Variants in FGD4 observed in about 807,000 individuals in gnomAD.
FGD4 encodes FYVE, RhoGEF and PH domain-containing protein 4.
A neutral mutation model predicts 102.0 loss-of-function variants in FGD4; 42 were observed. The observed-to-expected ratio is 0.41, with a 90% confidence interval of 0.32 to 0.53. The LOEUF is 0.53. FGD4 is among the 20% of genes least tolerant of loss of function. The pLI, the probability that FGD4 is intolerant of heterozygous loss-of-function variation, is 0.21. For missense variants in FGD4, 902 were observed against 1,078.2 expected (o/e 0.84, Z 2.29); for synonymous variants, 380 against 375.7 (o/e 1.01, Z -0.13).
intron 1 of FGD4, among the ~76,000 whole-genome samples, chr12:32,405,224 T>C (rs2632330): frequency 0.55 from 80,474 of 146,796 alleles, 22,720 homozygotes; most frequent in African/African-American, 0.72. Context: ...TGAGCCACCG[T>C]GCCTGGCTCC....
chr12:32,532,812 T>C (rs1941924959), intron 1 of FGD4, among the ~76,000 whole-genome samples: 1 of 152,204 alleles, frequency 6.6e-6, no homozygotes, highest in Admixed American at 6.5e-5. Flanking sequence ...TTAAAAACAA[T>C]TCAGGTTTCT....
At chr12:32,525,431 C>A (rs1003071992) in intron 1 of FGD4, among the ~76,000 whole-genome samples, 11 of 152,252 alleles carry the variant, frequency 7.2e-5, no homozygotes, top group African/African-American at 2.7e-4. Flanking sequence ...GTACTTTATT[C>A]ATTCCACATT....
At chr12:32,421,558 T>C (rs1941626406) in intron 1 of FGD4, among the ~76,000 whole-genome samples, 1 of 152,204 alleles carries the variant, frequency 6.6e-6, no homozygotes, top group African/African-American at 2.4e-5. Flanking sequence ...ATCTTGTAGC[T>C]TTCTCTATCA....
At chr12:32,594,322 C>T (rs557242115) in intron 4 of FGD4, among the ~76,000 whole-genome samples, 7 of 152,198 alleles carry the variant, frequency 4.6e-5, no homozygotes, top group African/African-American at 9.6e-5. Context: ...ACTGCACATG[C>T]GAGGGATCTA....
chr12:32,623,353 A>T (rs1949958047), intron 11 of FGD4, among the ~76,000 whole-genome samples: 1 of 151,836 alleles, frequency 6.6e-6, no homozygotes. Context: ...TTTTTAATTT[A>T]AAAAAAATTT....
intron 1 of FGD4, 41 bp downstream of exon 1, chr12:32,400,000 G>GT: frequency 7.0e-7 from 1 of 1,423,702 alleles, no homozygotes; most frequent in South Asian, 1.5e-5. Context: ...GCCCCGGCGC[G>GT]TAGGTGCGGG....
At chr12:32,408,635 C>CT (rs1293536845) in intron 1 of FGD4, among the ~76,000 whole-genome samples, 4 of 151,642 alleles carry the variant, frequency 2.6e-5, no homozygotes, top group Non-Finnish European at 5.9e-5. Flanking sequence ...GTGGATCTGC[C>CT]TTGCTGCCCT....
At chr12:32,485,940 G>A in intron 1 of FGD4, 1 of 1,274,842 alleles carries the variant, frequency 7.8e-7, no homozygotes, top group Non-Finnish European at 9.9e-7. Flanking sequence ...GCCAGAAGAA[G>A]ACTTATGAAA....
chr12:32,453,874 CTATCTT>C (rs1330690153), intron 1 of FGD4, among the ~76,000 whole-genome samples: 1 of 152,088 alleles, frequency 6.6e-6, no homozygotes, highest in African/African-American at 2.4e-5. Context: ...TGGATCAAAA[CTATCTT>C]TATATTAGGA....
intron 2 of FGD4, 66 bp downstream of exon 2, chr12:32,564,355 AATG>A (rs1945008373): frequency 1.3e-6 from 2 of 1,490,706 alleles, no homozygotes; most frequent in Non-Finnish European, 1.8e-6. Context: ...TAACCAGAAA[AATG>A]ATGGCCACAA....
At chr12:32,463,037 C>A (rs1311056891) in intron 1 of FGD4, among the ~76,000 whole-genome samples, 3 of 152,216 alleles carry the variant, frequency 2.0e-5, no homozygotes, top group African/African-American at 4.8e-5. Flanking sequence ...CTTGATACAA[C>A]TTTAGAAATT....
chr12:32,600,538 A>T (rs1948315825), intron 5 of FGD4: 2 of 931,170 alleles, frequency 2.1e-6, no homozygotes, highest in Non-Finnish European at 2.7e-6. Context: ...AGTATAGCTA[A>T]GACTGAAGGT....
chr12:32,615,882 G>T (rs1258570328), intron 10 of FGD4, among the ~76,000 whole-genome samples: 2 of 152,102 alleles, frequency 1.3e-5, no homozygotes, highest in Non-Finnish European at 1.5e-5. Flanking sequence ...GTGTCCCAGA[G>T]AGTAAGTGTT....
intron 14 of FGD4, among the ~76,000 whole-genome samples, chr12:32,628,782 T>TA (rs994087445): frequency 6.6e-5 from 10 of 150,442 alleles, no homozygotes; most frequent in South Asian, 4.2e-4. Flanking sequence ...CAAGACCGTC[T>TA]AAAAAAAAAA....
At chr12:32,604,711 G>GCTGCT (rs1244495889) in intron 7 of FGD4, among the ~76,000 whole-genome samples, 2 of 152,092 alleles carry the variant, frequency 1.3e-5, no homozygotes, top group African/African-American at 4.8e-5. Flanking sequence ...CAGCAGAGGA[G>GCTGCT]CTGCCAGTCC....
chr12:32,461,747 G>A (rs1199926982), intron 1 of FGD4, among the ~76,000 whole-genome samples: 1 of 152,048 alleles, frequency 6.6e-6, no homozygotes, highest in Non-Finnish European at 1.5e-5. Context: ...TTGTTTTTTA[G>A]ATGGAGTCTT....
rs553534726 is a variant in FGD4 at position 32,544,988 on chromosome 12, G to GTA, written c.167-19147_167-19146dup. 4.8e-3 allele frequency among the ~76,000 whole-genome samples: 731 copies of GTA among 152,264 alleles called. 4 individuals carry two copies. The highest frequency in any genetic ancestry group is 0.017 in the African/African-American group (701 of 41,554). ...TTAAGTGGTTTGGGGTGCAACCCAGGTATTGCAGTTTTCTTTCTTAAAGTT... is the reference window on the plus strand; with the variant it reads ...TTAAGTGGTTTGGGGTGCAACCCAGGTATATTGCAGTTTTCTTTCTTAAAGTT... On this transcript the variant is annotated intron_variant, in intron 1 of 16. Coordinates refer to ENST00000534526, the MANE Select transcript of FGD4 (RefSeq NM_001370298.3). This position sits in a 1 kb window ranked among gnomAD's most constrained non-coding sequence, Gnocchi z 4.1.
At chr12:32,432,905 T>TA (rs1221911370) in intron 1 of FGD4, among the ~76,000 whole-genome samples, 2 of 152,342 alleles carry the variant, frequency 1.3e-5, no homozygotes, top group East Asian at 3.9e-4. Flanking sequence ...GCCAGCTCAA[T>TA]ATATAAAAAC....
intron 1 of FGD4, among the ~76,000 whole-genome samples, chr12:32,450,872 A>T (rs1036058599): frequency 3.9e-5 from 6 of 152,102 alleles, no homozygotes; most frequent in East Asian, 3.9e-4. Context: ...TTTATCCCTA[A>T]CTTACTTACT....
Sources: allele counts gnomAD v4.1 joint callset (sites outside exome capture counted in the v4.1 genomes callset), GRCh38; gene constraint gnomAD v4.1.1; non-coding constraint Gnocchi (gnomAD v3.1); transcripts MANE v1.5; gene names NCBI Gene and HGNC (gene_info 2026-07-23, HGNC 2026-07-21).